Variants in SCRG1 observed in about 807,000 individuals in gnomAD.
The protein encoded by SCRG1 is stimulator of chondrogenesis 1.
A neutral mutation model predicts 7.7 loss-of-function variants in SCRG1; 3 were observed. The observed-to-expected ratio is 0.39, with a 90% CI of 0.18 to 1.01. The LOEUF (loss-of-function observed/expected upper bound fraction) is 1.01, where lower values mean the gene tolerates loss of function less well. Among genes scored for constraint, SCRG1 ranks in the 50% least tolerant of loss-of-function variants. The pLI is 0.36. For synonymous variants in SCRG1, 46 were observed against 41.2 expected (o/e 1.12, Z -0.44); for missense variants, 110 against 117.2 (o/e 0.94, Z 0.28).
the SCRG1 span, among the ~76,000 whole-genome samples, chr4:173,412,643 A>T: frequency 1.3e-5 from 2 of 152,192 alleles, no homozygotes; most frequent in African/African-American, 4.8e-5. Flanking sequence ...GAGTCTGTGG[A>T]TGATCACATC....
chr4:173,491,345 TG>T, the SCRG1 span, among the ~76,000 whole-genome samples: 1 of 151,744 alleles, frequency 6.6e-6, no homozygotes, highest in African/African-American at 2.4e-5. Context: ...GCTGACATGG[TG>T]GTAGAGGGAC....
At chr4:173,411,884 T>C in the SCRG1 span, among the ~76,000 whole-genome samples, 1 of 152,196 alleles carries the variant, frequency 6.6e-6, no homozygotes, top group African/African-American at 2.4e-5. Flanking sequence ...TTAGGTGTGG[T>C]CCCAGGCATG....
the SCRG1 span, among the ~76,000 whole-genome samples, chr4:173,449,499 C>T: frequency 2.8e-5 from 4 of 141,386 alleles, no homozygotes; most frequent in African/African-American, 1.0e-4. Context: ...GGCCTTGTCA[C>T]AAAGTCATCG....
chr4:173,403,108 A>G (rs1739803714), upstream of SCRG1: 1 of 152,170 alleles, frequency 6.6e-6, no homozygotes, highest in Non-Finnish European at 1.5e-5. Flanking sequence ...GGGTTGAACA[A>G]CATAACCTCT....
the SCRG1 span, among the ~76,000 whole-genome samples, chr4:173,416,096 A>C: frequency 6.6e-6 from 1 of 151,824 alleles, no homozygotes. Flanking sequence ...TGAGCCAGGG[A>C]GGGACAGCAG....
chr4:173,517,878 A>G, the SCRG1 span, among the ~76,000 whole-genome samples: 470 of 152,342 alleles, frequency 3.1e-3, 2 homozygotes, highest in African/African-American at 0.011. Context: ...AAAAGGCGAA[A>G]GCTCCCTCCT....
At chr4:173,444,092 G>A in the SCRG1 span, among the ~76,000 whole-genome samples, 2 of 151,906 alleles carry the variant, frequency 1.3e-5, no homozygotes, top group Admixed American at 1.3e-4. Flanking sequence ...TACTGTCTCA[G>A]CCTCTGAAGT....
chr4:173,426,897 C>G, the SCRG1 span, among the ~76,000 whole-genome samples: 1 of 152,214 alleles, frequency 6.6e-6, no homozygotes, highest in East Asian at 1.9e-4. Context: ...CAATGGCTCT[C>G]TGGCTAATAA....
chr4:173,400,475 T>C (rs554737218), upstream of SCRG1, among the ~76,000 whole-genome samples: 1 of 152,316 alleles, frequency 6.6e-6, no homozygotes, highest in African/African-American at 2.4e-5. Context: ...GAATGTTTAG[T>C]AGGCAGTTGG....
chr4:173,483,721 G>A, the SCRG1 span, among the ~76,000 whole-genome samples: 2 of 916 alleles, frequency 2.2e-3, 1 homozygote, highest in African/African-American at 2.8e-3. Flanking sequence ...ATATTATATT[G>A]TGATATATCA....
At chr4:173,408,779 G>A (rs1739973737), upstream of SCRG1, among the ~76,000 whole-genome samples, 1 of 151,968 alleles carries the variant, frequency 6.6e-6, no homozygotes, top group South Asian at 2.1e-4. Flanking sequence ...GGATCATGAA[G>A]TCAGGAGATT....
At chr4:173,435,033 G>A in the SCRG1 span, among the ~76,000 whole-genome samples, 40 of 152,006 alleles carry the variant, frequency 2.6e-4, no homozygotes, top group African/African-American at 7.0e-4. Flanking sequence ...CACCTTATGC[G>A]ATCAAAGAAA....
the SCRG1 span, among the ~76,000 whole-genome samples, chr4:173,464,954 C>T: frequency 6.6e-6 from 1 of 152,070 alleles, no homozygotes; most frequent in African/African-American, 2.4e-5. Context: ...ATGGAAAAAT[C>T]CTGAAGACAT....
chr4:173,511,178 A>C, the SCRG1 span, among the ~76,000 whole-genome samples: 1 of 152,072 alleles, frequency 6.6e-6, no homozygotes, highest in Non-Finnish European at 1.5e-5. This position sits in a 1 kb window ranked among gnomAD's most constrained non-coding sequence, Gnocchi z 5.2. Context: ...GTGTTTCACC[A>C]TGTTGGCCAG....
At chr4:173,408,754 G>A (rs1358328931), upstream of SCRG1, among the ~76,000 whole-genome samples, 1 of 151,928 alleles carries the variant, frequency 6.6e-6, no homozygotes, top group Non-Finnish European at 1.5e-5. Context: ...AGCATTTTGG[G>A]AGCCTGAGGC....
chr4:173,505,349 G>T, the SCRG1 span, among the ~76,000 whole-genome samples: 1 of 152,194 alleles, frequency 6.6e-6, no homozygotes, highest in Admixed American at 6.5e-5. The surrounding 1 kb of genome is among the most constrained non-coding windows in gnomAD (Gnocchi z 4.4). Context: ...AGGCAGGGAT[G>T]TGGGGTTCCT....
Position 173,388,408 on chromosome 4 carries a change from A to G in SCRG1, c.243-13T>C, listed in dbSNP as rs766547854. 6.3e-7 allele frequency: 1 copy of G among 1,597,500 alleles called. No homozygotes were observed. Among genetic ancestry groups the G allele is most frequent in the African/African-American group, 1.3e-5 (1 of 74,626 alleles). ...AAAGAAAACGTCTCTGAAAGAAAAT[A>G]GAGCATCAATTAAATTCACCTTAAG... On this transcript the variant is annotated splice_polypyrimidine_tract_variant and intron_variant, in intron 2 of 2. Transcript: ENST00000296506.
the SCRG1 span, among the ~76,000 whole-genome samples, chr4:173,474,073 A>T: frequency 4.7e-3 from 711 of 152,218 alleles, 9 homozygotes; most frequent in African/African-American, 0.016. Context: ...CCGGCTACTC[A>T]GGAGGCTGAG....
chr4:173,452,591 G>T, the SCRG1 span, among the ~76,000 whole-genome samples: 1 of 152,156 alleles, frequency 6.6e-6, no homozygotes, highest in Non-Finnish European at 1.5e-5. Flanking sequence ...GTCACAGTTT[G>T]GCTCTCAAAC....
Sources: allele counts gnomAD v4.1 joint callset (sites outside exome capture counted in the v4.1 genomes callset), GRCh38; gene constraint gnomAD v4.1.1; non-coding constraint Gnocchi (gnomAD v3.1); transcripts MANE v1.5; gene names NCBI Gene and HGNC (gene_info 2026-07-23, HGNC 2026-07-21).